The following SNTG1 variants were observed in gnomAD, a reference collection of about 807,000 sequenced individuals.
The protein encoded by SNTG1 is syntrophin gamma 1.
SNTG1 carries 39 observed loss-of-function variants against 74.7 expected under a neutral mutation model. The observed-to-expected ratio is 0.52, with a 90% CI of 0.40 to 0.68. SNTG1 has a LOEUF of 0.68. SNTG1 is among the 30% of genes least tolerant of loss of function. The pLI is 0.00. For synonymous variants in SNTG1, 254 were observed against 217.1 expected (o/e 1.17, Z -1.49); for missense variants, 685 against 609.5 (o/e 1.12, Z -1.30).
At chr8:50,633,042 G>A (rs2095013258) in intron 13 of SNTG1, among the ~76,000 whole-genome samples, 1 of 152,298 alleles carries the variant, frequency 6.6e-6, no homozygotes, top group East Asian at 1.9e-4. Context: ...AAATAAAGAT[G>A]AGGGCCTCAT....
chr8:50,745,255 A>G (rs1421025687), intron 17 of SNTG1, among the ~76,000 whole-genome samples: 1 of 152,006 alleles, frequency 6.6e-6, no homozygotes, highest in Non-Finnish European at 1.5e-5. Flanking sequence ...ATATTGCAAC[A>G]AAGAATATAT....
chr8:49,975,327 T>C (rs941293152), intron 1 of SNTG1, among the ~76,000 whole-genome samples: 1 of 152,162 alleles, frequency 6.6e-6, no homozygotes, highest in Non-Finnish European at 1.5e-5. Context: ...TGGAATTTCT[T>C]AGAATTTCAT....
At chr8:50,227,184 GAGA>G (rs1286482030) in intron 2 of SNTG1, among the ~76,000 whole-genome samples, 1 of 152,098 alleles carries the variant, frequency 6.6e-6, no homozygotes, top group Non-Finnish European at 1.5e-5. Flanking sequence ...TGCTTCTGTG[GAGA>G]AGAAGGCCCT....
At chr8:50,602,738 T>A (rs985227774) in intron 13 of SNTG1, among the ~76,000 whole-genome samples, 4 of 152,172 alleles carry the variant, frequency 2.6e-5, no homozygotes, top group African/African-American at 7.2e-5. Context: ...AAGGTCTTTA[T>A]TTCTTCCTCA....
At chr8:50,610,391 C>T (rs765611996) in intron 13 of SNTG1, among the ~76,000 whole-genome samples, 4 of 152,116 alleles carry the variant, frequency 2.6e-5, no homozygotes, top group Admixed American at 6.6e-5. Flanking sequence ...TTGGCTTCCT[C>T]CCCACTGTGA....
chr8:50,108,571 C>T (rs2080467458), intron 1 of SNTG1, among the ~76,000 whole-genome samples: 1 of 152,018 alleles, frequency 6.6e-6, no homozygotes, highest in Non-Finnish European at 1.5e-5. Context: ...GGGAAAAACC[C>T]CCACAAAACT....
chr8:50,289,302 T>A (rs1320712193), intron 2 of SNTG1, among the ~76,000 whole-genome samples: 1 of 152,170 alleles, frequency 6.6e-6, no homozygotes, highest in East Asian at 1.9e-4. Flanking sequence ...TCTTACAGTA[T>A]CATTTACTAA....
intron 2 of SNTG1, among the ~76,000 whole-genome samples, chr8:50,212,309 T>A (rs1449754676): frequency 6.6e-6 from 1 of 152,186 alleles, no homozygotes; most frequent in East Asian, 1.9e-4. Context: ...AGTAAAGCTA[T>A]GTAGATTATA....
intron 4 of SNTG1, among the ~76,000 whole-genome samples, chr8:50,424,385 A>C (rs756277251): frequency 5.3e-5 from 8 of 152,236 alleles, no homozygotes; most frequent in Non-Finnish European, 1.2e-4. Context: ...GCTCCTCAGC[A>C]TCTGTAAGGT....
chr8:50,386,517 T>C (rs2092577074), intron 2 of SNTG1, among the ~76,000 whole-genome samples: 1 of 152,064 alleles, frequency 6.6e-6, no homozygotes, highest in African/African-American at 2.4e-5. Context: ...CCTTTCTTTA[T>C]TAGTTCATTT....
intron 12 of SNTG1, among the ~76,000 whole-genome samples, chr8:50,568,511 T>G (rs2094528962): frequency 6.6e-6 from 1 of 152,120 alleles, no homozygotes; most frequent in South Asian, 2.1e-4. Flanking sequence ...TTGCTTGTCT[T>G]TTTGATAAAA....
At chr8:50,207,241 A>G (rs2084289151) in intron 2 of SNTG1, among the ~76,000 whole-genome samples, 1 of 152,174 alleles carries the variant, frequency 6.6e-6, no homozygotes, top group African/African-American at 2.4e-5. Context: ...CCTCAATTTC[A>G]GAGCCTGTTA....
intron 1 of SNTG1, among the ~76,000 whole-genome samples, chr8:50,076,018 A>AT (rs1241546130): frequency 6.6e-6 from 1 of 152,228 alleles, no homozygotes; most frequent in Non-Finnish European, 1.5e-5. Context: ...CAGACACAAC[A>AT]TAACAGATCA....
chr8:50,532,192 G>A (rs1473539747), intron 10 of SNTG1, among the ~76,000 whole-genome samples: 1 of 152,006 alleles, frequency 6.6e-6, no homozygotes, highest in Non-Finnish European at 1.5e-5. Flanking sequence ...TCAGTGTAAG[G>A]AAATTGAAAG....
intron 1 of SNTG1, among the ~76,000 whole-genome samples, chr8:50,136,790 A>T (rs1469074379): frequency 6.6e-6 from 1 of 152,136 alleles, no homozygotes; most frequent in Non-Finnish European, 1.5e-5. Context: ...CTACAGGCCT[A>T]TTAGCCCCAT....
intron 1 of SNTG1, among the ~76,000 whole-genome samples, chr8:50,104,955 G>C (rs2080307788): frequency 1.3e-5 from 2 of 152,004 alleles, no homozygotes; most frequent in South Asian, 2.1e-4. Flanking sequence ...GTAGGATGCA[G>C]AATTTGCAAA....
chr8:50,460,972 A>C (rs1404328742), intron 8 of SNTG1, among the ~76,000 whole-genome samples: 1 of 152,142 alleles, frequency 6.6e-6, no homozygotes, highest in Non-Finnish European at 1.5e-5. Flanking sequence ...CACTTTATTC[A>C]GATTTCATTA....
chr8:50,491,090 A>G (rs1203354913), intron 8 of SNTG1: 1 of 152,412 alleles, frequency 6.6e-6, no homozygotes, highest in African/African-American at 2.4e-5. Context: ...CGTGACACAG[A>G]TGTCCTTGGC....
At chr8:50,146,970 CTT>C (rs1273091807) in intron 1 of SNTG1, among the ~76,000 whole-genome samples, 1 of 151,726 alleles carries the variant, frequency 6.6e-6, no homozygotes, top group Non-Finnish European at 1.5e-5. Context: ...TGGCTGTCTT[CTT>C]ATTCTCTTAA....
Sources: allele counts gnomAD v4.1 joint callset (sites outside exome capture counted in the v4.1 genomes callset), GRCh38; gene constraint gnomAD v4.1.1; transcripts MANE v1.5; gene names NCBI Gene and HGNC (gene_info 2026-07-23, HGNC 2026-07-21).